Variants in DST observed in about 807,000 individuals in gnomAD.
DST encodes the protein dystonin, also known as bullous pemphigoid antigen.
Under a neutral mutation model 875.2 loss-of-function variants are expected in DST, and 253 were observed. The observed-to-expected ratio is 0.29, with a 90% CI of 0.26 to 0.32. The LOEUF is 0.32. Among genes scored for constraint, DST ranks in the 10% least tolerant of loss-of-function variants. The pLI is 1.00. For missense variants in DST, 8,287 were observed against 9,111.6 expected, an observed-to-expected ratio of 0.91 and a Z score of 3.68; for synonymous variants, 3,124 against 3,197.1, an observed-to-expected ratio of 0.98 and a Z score of 0.77.
chr6:56,911,115 G>GT (rs1227622505), intron 2 of DST, among the ~76,000 whole-genome samples: 2 of 152,218 alleles, frequency 1.3e-5, no homozygotes, highest in African/African-American at 4.8e-5. Flanking sequence ...CACTTAGGCT[G>GT]TGTCTATCAG....
At chr6:56,576,543 C>G (rs747484804) in intron 50 of DST, among the ~76,000 whole-genome samples, 62 of 152,112 alleles carry the variant, frequency 4.1e-4, no homozygotes, top group Non-Finnish European at 6.8e-4. Context: ...TATAGGACAT[C>G]CAGCTGGTAT....
chr6:56,606,157 C>A lies in DST; in HGVS notation c.8471G>T (p.Gly2824Val), dbSNP rs200135276. ...EEGGGIRDENGKPRCQNVAED... is the reference protein window; with the variant it reads ...EEGGGIRDENVKPRCQNVAED... ...AGCCACATTTTGGCACCTGGGCTTT[C>A]CATTCTCATCTCTTATACCTCCTCC... Residue 2824 changes from glycine (G) to valine (V), a missense_variant, in exon 40 of 104, where the codon GGA (glycine) becomes GTA (valine). By Grantham distance (109) the Gly-to-Val change is moderately radical. This residue lies in a region of DST where 3,138 missense variants were observed against 3,116.6 expected (regional missense o/e 1.01). Transcript: ENST00000680361. The A allele has an allele frequency of 3.1e-6, 5 of 1,606,538 alleles. No homozygotes were observed. Among genetic ancestry groups the A allele is most frequent in the Non-Finnish European group, 4.3e-6 (5 of 1,175,474 alleles).
At chr6:56,785,491 C>T (rs1316480791) in intron 4 of DST, among the ~76,000 whole-genome samples, 1 of 152,118 alleles carries the variant, frequency 6.6e-6, no homozygotes, top group African/African-American at 2.4e-5. Context: ...CAGTGAGACT[C>T]GGTGGGCGTA....
At chr6:56,596,035 A>ATTTATTTG (rs2098379910) in intron 47 of DST, among the ~76,000 whole-genome samples, 2 of 151,188 alleles carry the variant, frequency 1.3e-5, no homozygotes, top group African/African-American at 4.9e-5. Flanking sequence ...TTATTTATTT[A>ATTTATTTG]TTTATTTATT....
chr6:56,534,704 T>C (rs1309145681), intron 63 of DST, among the ~76,000 whole-genome samples: 1 of 152,110 alleles, frequency 6.6e-6, no homozygotes, highest in African/African-American at 2.4e-5. Context: ...TATTTAAAAT[T>C]ACACACACCC....
intron 36 of DST, 57 bp downstream of exon 36, chr6:56,624,473 G>T: frequency 8.5e-7 from 1 of 1,182,786 alleles, no homozygotes. Context: ...CTACACTGTA[G>T]TTACTGCTCA....
rs183669271 is a variant in DST at position 56,552,171 on chromosome 6, A to G, written c.16608+13T>C. ...ACAATAAAAACACTGGGTAAAAATGAAGAGTTCCCTACCTTGAACATGTTA... is the reference window on the plus strand; with the variant it reads ...ACAATAAAAACACTGGGTAAAAATGGAGAGTTCCCTACCTTGAACATGTTA... On this transcript the variant is annotated intron_variant, in intron 61 of 103. Transcript: ENST00000680361. The G allele has an allele frequency of 2.7e-4, 429 of 1,564,066 alleles. No individual in the cohort carries two copies. The African/African-American group carries it at 5.4e-3, about 20-fold the overall frequency.
intron 61 of DST, among the ~76,000 whole-genome samples, chr6:56,550,927 G>A (rs80310171): frequency 0.043 from 6,551 of 152,202 alleles, 163 homozygotes; most frequent in African/African-American, 0.07. Flanking sequence ...ATTCTCTCAC[G>A]TGAAATCTTT....
At chr6:56,839,179 C>T (rs1310576910) in intron 4 of DST, among the ~76,000 whole-genome samples, 1 of 152,176 alleles carries the variant, frequency 6.6e-6, no homozygotes, top group Non-Finnish European at 1.5e-5. Flanking sequence ...ATCTTGTGAT[C>T]ACAAAACAAC....
In DST at chr6:56,504,109, C is replaced by T. The variant is rs1310917226; in HGVS notation, c.19465-11G>A. 8.2e-6 allele frequency: 13 copies of T among 1,583,818 alleles called. No homozygotes were observed. ...CCAGTCAAATACCGCCTGAAAGACA[C>T]ATTCGCCCACGTGTTGTTACAACAG... On this transcript the variant is annotated splice_polypyrimidine_tract_variant and intron_variant, in intron 77 of 103. Transcript: ENST00000680361.
At chr6:56,703,034 C>T (rs2099317017) in intron 7 of DST, among the ~76,000 whole-genome samples, 2 of 152,112 alleles carry the variant, frequency 1.3e-5, no homozygotes, top group South Asian at 4.1e-4. Context: ...AGAAGAAGCA[C>T]GTCTGTCTTG....
At chr6:56,654,868 G>T (rs993979781) in intron 10 of DST, among the ~76,000 whole-genome samples, 2 of 151,894 alleles carry the variant, frequency 1.3e-5, no homozygotes, top group African/African-American at 4.8e-5. Flanking sequence ...GATATAAATG[G>T]CTAAAGATCA....
Position 56,592,194 on chromosome 6 carries a change from T to C in DST, c.12891A>G (p.Leu4297=). 4 of 1,613,500 alleles carry C rather than the reference T, an allele frequency of 2.5e-6. No homozygotes were observed. Among genetic ancestry groups the C allele is most frequent in the Non-Finnish European group, 3.4e-6 (4 of 1,179,702 alleles). Residue 4297 remains leucine, a synonymous_variant, in exon 49 of 104, where the codon TTA becomes TTG. Coordinates refer to ENST00000680361, the MANE Select transcript of DST (RefSeq NM_001374736.1). ...TCTCGCTTTTTACCTTGGTCTCTTCTAATTGCCTTTGAAGATTTTTGGGGT... is the reference window on the plus strand; with the variant it reads ...TCTCGCTTTTTACCTTGGTCTCTTCCAATTGCCTTTGAAGATTTTTGGGGT... ...AVDPKNLQRQ[L]EETKALQGQI... is the part of the protein sequence containing the mutation.
At chr6:56,694,900 G>C (rs994484617) in intron 9 of DST, among the ~76,000 whole-genome samples, 2 of 152,084 alleles carry the variant, frequency 1.3e-5, no homozygotes, top group African/African-American at 4.8e-5. Flanking sequence ...GCCGAGGCAG[G>C]TGGATCACCT....
intron 49 of DST, 31 bp downstream of exon 49, chr6:56,592,151 T>C (rs746624893): frequency 6.2e-7 from 1 of 1,600,044 alleles, no homozygotes; most frequent in Non-Finnish European, 8.5e-7. Flanking sequence ...GTAAGACTAC[T>C]GGAAATGTGG....
chr6:56,897,231 A>T (rs1345374975), intron 3 of DST, among the ~76,000 whole-genome samples: 1 of 150,312 alleles, frequency 6.7e-6, no homozygotes, highest in Non-Finnish European at 1.5e-5. Context: ...TTCCCTTATT[A>T]TCACTTTATA....
chr6:56,623,353 G>A (rs1413302119), intron 36 of DST, among the ~76,000 whole-genome samples: 1 of 152,006 alleles, frequency 6.6e-6, no homozygotes, highest in Non-Finnish European at 1.5e-5. Flanking sequence ...CATTTAAAAT[G>A]GAATAAGATC....
At chr6:56,741,725 T>C (rs2099547443) in intron 4 of DST, among the ~76,000 whole-genome samples, 1 of 152,212 alleles carries the variant, frequency 6.6e-6, no homozygotes, top group Non-Finnish European at 1.5e-5. Flanking sequence ...GTTAGAGATG[T>C]CTAACACTGA....
intron 9 of DST, among the ~76,000 whole-genome samples, chr6:56,671,479 A>T (rs187329082): frequency 6.6e-6 from 1 of 152,242 alleles, no homozygotes; most frequent in African/African-American, 2.4e-5. Context: ...TCAACCTGAA[A>T]CCTTTATCAA....
Sources: allele counts gnomAD v4.1 joint callset (sites outside exome capture counted in the v4.1 genomes callset), GRCh38; gene constraint gnomAD v4.1.1; regional missense constraint gnomAD v4.1.1; transcripts MANE v1.5; gene names NCBI Gene and HGNC (gene_info 2026-07-23, HGNC 2026-07-21).